The following ARHGAP44 variants were observed in gnomAD, a reference collection of about 807,000 sequenced individuals.
ARHGAP44 encodes rho GTPase-activating protein 44.
A neutral mutation model predicts 106.8 loss-of-function variants in ARHGAP44; 43 were observed. The observed-to-expected ratio is 0.40, with a 90% CI of 0.32 to 0.52. ARHGAP44 has a LOEUF of 0.52. Ranked by LOEUF, ARHGAP44 falls within the 20% of genes least tolerant of loss-of-function variation. The pLI is 0.48. For synonymous variants in ARHGAP44, 439 were observed against 410.3 expected (o/e 1.07, Z -0.85); for missense variants, 866 against 1,050.5 (o/e 0.82, Z 2.43).
At chr17:12,873,560 A>G (rs964256003) in intron 1 of ARHGAP44, among the ~76,000 whole-genome samples, 10 of 152,240 alleles carry the variant, frequency 6.6e-5, no homozygotes, top group African/African-American at 2.4e-4. Flanking sequence ...AAGTATATGA[A>G]ACTAGAATTG....
In ARHGAP44 at chr17:12,808,274, C is replaced by T. The variant is rs928420956; in HGVS notation, c.53+18383C>T. Among the ~76,000 whole-genome samples the T allele has an allele frequency of 1.5e-4, 23 of 152,350 alleles. No homozygotes were observed. The Middle Eastern group carries it at 0.01, about 68-fold the overall frequency. ...ATCTTCCATTCTGGGTTCTGGATGA[C>T]GGTGGCCCTCTTCTCACAGATCCAC... On this transcript the variant is annotated intron_variant, in intron 1 of 20. Transcript: ENST00000379672.
chr17:12,987,767 T>C (rs954932303), intron 20 of ARHGAP44: 2 of 152,244 alleles, frequency 1.3e-5, no homozygotes, highest in African/African-American at 2.4e-5. Context: ...CCGCTCCCCT[T>C]CTCCCTCATC....
chr17:12,870,774 A>G (rs2036384737), intron 1 of ARHGAP44, among the ~76,000 whole-genome samples: 1 of 152,160 alleles, frequency 6.6e-6, no homozygotes. Context: ...GTTCCATTAT[A>G]CCACCCACTT....
At position 12,889,033 on chromosome 17, in the gene ARHGAP44, G is replaced by A. The variant is rs540112050; in HGVS notation, c.54-5907G>A. Among the ~76,000 whole-genome samples, 4 of 152,156 alleles carry A rather than the reference G, an allele frequency of 2.6e-5. No homozygotes were observed. In the South Asian group the frequency reaches 8.3e-4, roughly 32 times the overall value. ...TTTTAAATCCATTCTTCTAGTTCTTGTCTTTTAATTGGTGTGTTTAGGCTG... is the reference window on the plus strand; with the variant it reads ...TTTTAAATCCATTCTTCTAGTTCTTATCTTTTAATTGGTGTGTTTAGGCTG... On this transcript the variant is annotated intron_variant, in intron 1 of 20. Coordinates refer to ENST00000379672, the MANE Select transcript of ARHGAP44 (RefSeq NM_014859.6).
chr17:12,896,292 C>T, intron 2 of ARHGAP44, 115 bp from the exon 3 acceptor site: 1 of 785,626 alleles, frequency 1.3e-6, no homozygotes, highest in Non-Finnish European at 2.0e-6. Context: ...ACAAAGCTGT[C>T]TCTCCAGGAG....
At chr17:12,855,291 T>C (rs1178701795) in intron 1 of ARHGAP44, among the ~76,000 whole-genome samples, 3 of 152,198 alleles carry the variant, frequency 2.0e-5, no homozygotes, top group African/African-American at 7.2e-5. Context: ...AATGGACCTT[T>C]GCAAAGAGAA....
intron 1 of ARHGAP44, among the ~76,000 whole-genome samples, chr17:12,894,196 T>C (rs761288581): frequency 6.6e-6 from 1 of 152,100 alleles, no homozygotes; most frequent in Non-Finnish European, 1.5e-5. Context: ...TTTGTTTTCA[T>C]GTGAATTTGC....
intron 7 of ARHGAP44, among the ~76,000 whole-genome samples, chr17:12,937,087 T>C (rs7224309): frequency 0.74 from 113,312 of 152,126 alleles, 42,541 homozygotes; most frequent in African/African-American, 0.82. Context: ...CTTAGGGCTG[T>C]GAATTTCACC....
At chr17:12,794,138 G>A (rs1319700717) in intron 1 of ARHGAP44, among the ~76,000 whole-genome samples, 1 of 152,198 alleles carries the variant, frequency 6.6e-6, no homozygotes. Flanking sequence ...TTGCTGGAGT[G>A]AGAAGCATAC....
chr17:12,924,926 G>T (rs898289087), intron 6 of ARHGAP44, among the ~76,000 whole-genome samples: 3 of 152,198 alleles, frequency 2.0e-5, no homozygotes, highest in Non-Finnish European at 4.4e-5. Flanking sequence ...TTGGAAGCAA[G>T]TGAACTAGTG....
chr17:12,985,865 C>T (rs2039943910), intron 20 of ARHGAP44: 1 of 152,262 alleles, frequency 6.6e-6, no homozygotes, highest in African/African-American at 2.4e-5. Context: ...GGTGAGGCAG[C>T]TTGGGTTGGA....
chr17:12,941,075 T>C lies in ARHGAP44; in HGVS notation c.602T>C (p.Met201Thr), dbSNP rs1205288882. Reference sequence around the variant, plus strand: ...GCACAGGACCAGCTCTCAGCTGATATGTACAGTTTTGTGGCCAAAGAAATT... The same window carrying C: ...GCACAGGACCAGCTCTCAGCTGATACGTACAGTTTTGTGGCCAAAGAAATT... Reference protein sequence around the residue: ...EICRDQLSADMYSFVAKEIDY... With the variant: ...EICRDQLSADTYSFVAKEIDY... Residue 201 changes from methionine to threonine, a missense_variant, in exon 8 of 21, where the codon ATG (methionine) becomes ACG (threonine). By Grantham distance (81) the Met-to-Thr change is moderately conservative (BLOSUM62 -1). Coordinates refer to ENST00000379672, the MANE Select transcript of ARHGAP44 (RefSeq NM_014859.6). 2 of 1,613,924 alleles carry C rather than the reference T, an allele frequency of 1.2e-6. No individual in the cohort carries two copies. The highest frequency in any genetic ancestry group is 1.7e-6 in the Non-Finnish European group (2 of 1,179,902).
intron 6 of ARHGAP44, among the ~76,000 whole-genome samples, chr17:12,927,795 T>A (rs1050448198): frequency 1.1e-4 from 17 of 152,252 alleles, no homozygotes; most frequent in African/African-American, 4.1e-4. Context: ...CAGCCTTGGC[T>A]GCTGTTTGTC....
At chr17:12,973,519 T>C in intron 17 of ARHGAP44, 200 bp downstream of exon 17, 1 of 616,146 alleles carries the variant, frequency 1.6e-6, no homozygotes. Context: ...CCCTGCTGTG[T>C]AGACAAGTGG....
In ARHGAP44 at chr17:12,884,053, TG is replaced by T. The variant is rs1484974032; in HGVS notation, c.54-10886del. Among the ~76,000 whole-genome samples the T allele has an allele frequency of 5.9e-5, 9 of 152,278 alleles. No individual in the cohort carries two copies. In the South Asian group the frequency reaches 1.2e-3, roughly 21 times the overall value. On this transcript the variant is annotated intron_variant, in intron 1 of 20. Transcript: ENST00000379672. ...TATTGCTGTCCTCTTTCTTTCATAA[TG>T]TTTTTTTTCTCCCTCAAAGTCTATT...
intron 12 of ARHGAP44, among the ~76,000 whole-genome samples, chr17:12,951,113 A>C (rs2038981968): frequency 6.6e-6 from 1 of 152,206 alleles, no homozygotes; most frequent in Admixed American, 6.5e-5. Context: ...GTTCTCTTTT[A>C]TCTCATTGTG....
In ARHGAP44 at chr17:12,789,742, C is replaced by T. The variant is rs2033674932; in HGVS notation, c.-97C>T. 8.4e-7 allele frequency: 1 copy of T among 1,192,132 alleles called. No individual in the cohort carries two copies. The highest frequency in any genetic ancestry group is 1.1e-6 in the Non-Finnish European group (1 of 916,660). The allele number at this position is 1,192,132 out of a possible 1,614,324, so 73.8% of individuals were successfully genotyped here. A position where few individuals can be genotyped will look rare whatever the true frequency, so the allele number is the denominator to read the frequency against. On this transcript the variant is annotated 5_prime_UTR_variant, in exon 1 of 21. Transcript: ENST00000379672. The stretch of plus-strand genomic sequence containing the variant: ...GGCTCCGCAGTGCCGCCGCCGTCGC[C>T]CGGGAGGCTCCGCGCGGGAGCCATG...
At chr17:12,861,510 A>G (rs1209848986) in intron 1 of ARHGAP44, among the ~76,000 whole-genome samples, 2 of 151,914 alleles carry the variant, frequency 1.3e-5, no homozygotes. Context: ...GAGGCAGCCC[A>G]CTTTGTTTGC....
chr17:12,975,795 C>CAAAAAAA (rs57364760), intron 18 of ARHGAP44, among the ~76,000 whole-genome samples: 5 of 69,398 alleles, frequency 7.2e-5, no homozygotes, highest in Non-Finnish European at 1.0e-4. Context: ...GACTCCGTCT[C>CAAAAAAA]AAAAAAAAAA....
Sources: gnomAD v4.1 joint callset for allele counts (sites outside exome capture counted in the v4.1 genomes callset) on GRCh38, gnomAD v4.1.1 for gene constraint, MANE v1.5 for transcripts, NCBI Gene and HGNC (gene_info 2026-07-23, HGNC 2026-07-21) for gene names.